The following SGIP1 variants were observed in gnomAD, a reference collection of about 807,000 sequenced individuals.
The protein encoded by SGIP1 is SH3-containing GRB2-like protein 3-interacting protein 1.
In SGIP1, 38 loss-of-function variants were observed where a neutral mutation model predicts 107.5. The ratio of observed to expected loss-of-function variants is 0.35; its 90% confidence interval spans 0.27 to 0.46. SGIP1 has a LOEUF of 0.46. Ranked by LOEUF, SGIP1 falls within the 20% of genes least tolerant of loss-of-function variation. The probability of loss-of-function intolerance (pLI) is 1.00; values close to 1 mark genes in which losing one functional copy is unlikely to be tolerated. For missense variants in SGIP1, 929 were observed against 1,019.5 expected, an observed-to-expected ratio of 0.91 and a Z score of 1.21; for synonymous variants, 365 against 366.1, an observed-to-expected ratio of 1.00 and a Z score of 0.03.
intron 17 of SGIP1, 57 bp downstream of exon 17, chr1:66,690,373 T>G (rs1363705336): frequency 6.2e-6 from 10 of 1,604,076 alleles, no homozygotes; most frequent in Non-Finnish European, 8.5e-6. Flanking sequence ...CTATTTTTTA[T>G]GATCTGAAAT....
At chr1:66,538,485 G>C (rs898591202) in intron 1 of SGIP1, among the ~76,000 whole-genome samples, 1 of 152,072 alleles carries the variant, frequency 6.6e-6, no homozygotes, top group Non-Finnish European at 1.5e-5. Flanking sequence ...CTTCTAAAAA[G>C]AATATGGAGT....
intron 18 of SGIP1, among the ~76,000 whole-genome samples, chr1:66,696,069 A>C (rs2090866212): frequency 6.6e-6 from 1 of 152,240 alleles, no homozygotes. Flanking sequence ...AGATGACTGC[A>C]GTAAAATGGA....
chr1:66,550,595 A>G (rs768732448), intron 1 of SGIP1, among the ~76,000 whole-genome samples: 1 of 152,152 alleles, frequency 6.6e-6, no homozygotes, highest in African/African-American at 2.4e-5. Flanking sequence ...AGAGGAGGGA[A>G]TATTCAAATC....
chr1:66,569,886 A>G (rs763515703), intron 1 of SGIP1, among the ~76,000 whole-genome samples: 3 of 151,868 alleles, frequency 2.0e-5, no homozygotes, highest in African/African-American at 4.8e-5. Flanking sequence ...TCAACTATTG[A>G]TTCAATTTCT....
intron 7 of SGIP1, among the ~76,000 whole-genome samples, chr1:66,649,587 A>G (rs2078329676): frequency 6.6e-6 from 1 of 152,202 alleles, no homozygotes; most frequent in African/African-American, 2.4e-5. Context: ...TTTACACCAC[A>G]CTCTTTACAT....
intron 15 of SGIP1, among the ~76,000 whole-genome samples, chr1:66,684,720 T>C (rs190903316): frequency 6.6e-6 from 1 of 152,224 alleles, no homozygotes; most frequent in African/African-American, 2.4e-5. Flanking sequence ...TTCATAAAGC[T>C]CTCGAAGATA....
chr1:66,648,269 A>G (rs1321400662), intron 7 of SGIP1, among the ~76,000 whole-genome samples: 1 of 152,218 alleles, frequency 6.6e-6, no homozygotes, highest in Non-Finnish European at 1.5e-5. Context: ...CCTCCCAGCA[A>G]CTGGTGCAAG....
At chr1:66,663,485 A>G (rs1317612136) in intron 8 of SGIP1, among the ~76,000 whole-genome samples, 10 of 152,142 alleles carry the variant, frequency 6.6e-5, no homozygotes, top group Non-Finnish European at 1.2e-4. Flanking sequence ...GTCCTTGTCC[A>G]GCATAGCCTA....
chr1:66,696,037 G>T (rs1361371195), intron 18 of SGIP1, among the ~76,000 whole-genome samples: 1 of 152,176 alleles, frequency 6.6e-6, no homozygotes, highest in African/African-American at 2.4e-5. Context: ...AGTTTGTTCT[G>T]CGTCTCCTGA....
chr1:66,613,129 G>C (rs948312938), intron 1 of SGIP1, among the ~76,000 whole-genome samples: 1 of 152,058 alleles, frequency 6.6e-6, no homozygotes, highest in Non-Finnish European at 1.5e-5. Flanking sequence ...TGGTGTTGTA[G>C]AAAACACTCT....
At position 66,716,321 on chromosome 1, in the gene SGIP1, T is replaced by G. The variant is rs77013119; in HGVS notation, c.1631-2973T>G. ...GTCAATTCACTTGGCAAGACTATGA[T>G]CCACACAAATTTTACTATTTTATTC... On this transcript the variant is annotated intron_variant, in intron 18 of 24. Coordinates refer to ENST00000371037, the MANE Select transcript of SGIP1 (RefSeq NM_032291.4). Among the ~76,000 whole-genome samples the G allele has an allele frequency of 5.4e-3, 823 of 152,292 alleles. 6 individuals are homozygous for G. Among genetic ancestry groups the G allele is most frequent in the African/African-American group, 0.019 (794 of 41,570 alleles).
chr1:66,544,990 C>T (rs946480194), intron 1 of SGIP1, among the ~76,000 whole-genome samples: 1 of 152,114 alleles, frequency 6.6e-6, no homozygotes, highest in African/African-American at 2.4e-5. Context: ...TTCCTCCTTC[C>T]TTCCTGTCCT....
chr1:66,734,503 TG>T (rs201180745), intron 21 of SGIP1, among the ~76,000 whole-genome samples: 2 of 151,074 alleles, frequency 1.3e-5, no homozygotes, highest in East Asian at 3.9e-4. Flanking sequence ...TAGATTTTTT[TG>T]GTTTTTTTTT....
chr1:66,649,877 G>A (rs887608549), intron 7 of SGIP1, among the ~76,000 whole-genome samples: 5 of 152,124 alleles, frequency 3.3e-5, no homozygotes, highest in African/African-American at 1.2e-4. Flanking sequence ...AAACAAGAGG[G>A]TTCTACCTCC....
chr1:66,550,965 A>G (rs980510376), intron 1 of SGIP1, among the ~76,000 whole-genome samples: 2 of 152,114 alleles, frequency 1.3e-5, no homozygotes, highest in African/African-American at 2.4e-5. Flanking sequence ...ATATTCCCAT[A>G]TAGGGGCAGA....
intron 20 of SGIP1, among the ~76,000 whole-genome samples, chr1:66,731,762 C>T (rs928078428): frequency 6.6e-6 from 1 of 152,192 alleles, no homozygotes; most frequent in Non-Finnish European, 1.5e-5. Flanking sequence ...TAGTGTCTAT[C>T]ATCAGCCAAT....
chr1:66,581,303 C>A (rs1033557729), intron 1 of SGIP1, among the ~76,000 whole-genome samples: 33 of 152,072 alleles, frequency 2.2e-4, no homozygotes, highest in Non-Finnish European at 4.4e-4. Flanking sequence ...GTTATGCAAA[C>A]TCAGGCAAGT....
Position 66,722,840 on chromosome 1 carries a change from CT to C in SGIP1, c.1742+3437del, listed in dbSNP as rs556724903. On this transcript the variant is annotated intron_variant, in intron 19 of 24. Transcript: ENST00000371037. ...GTGTAGGGTAGTCTGCACCTGTAAG[CT>C]TGATGTCTGCGGCCTTGGCATTCCA... 5.3e-4 allele frequency among the ~76,000 whole-genome samples: 80 copies of C among 152,164 alleles called. No homozygotes were observed. The East Asian group carries it at 0.012, about 23-fold the overall frequency.
intron 19 of SGIP1, among the ~76,000 whole-genome samples, chr1:66,721,584 T>A (rs2093537838): frequency 6.6e-6 from 1 of 151,788 alleles, no homozygotes; most frequent in Non-Finnish European, 1.5e-5. Context: ...AATTTTTGTA[T>A]TTTTTTTAGC....
Sources: gnomAD v4.1 joint callset for allele counts (sites outside exome capture counted in the v4.1 genomes callset) on GRCh38, gnomAD v4.1.1 for gene constraint, MANE v1.5 for transcripts, NCBI Gene and HGNC (gene_info 2026-07-23, HGNC 2026-07-21) for gene names.